ANXA11: variants seen among roughly 807,000 people sequenced by gnomAD.
ANXA11 encodes annexin A11, also known as 56 kDa autoantigen.
A neutral mutation model predicts 64.7 loss-of-function variants in ANXA11; 57 were observed. That is an observed-to-expected ratio of 0.88 (90% confidence interval 0.71 to 1.10). ANXA11 has a LOEUF of 1.10. ANXA11 is among the 50% of genes least tolerant of loss of function. The pLI is 0.00. For missense variants in ANXA11, 675 were observed against 670.7 expected (o/e 1.01, Z -0.07); for synonymous variants, 260 against 265.2 (o/e 0.98, Z 0.19).
chr10:80,180,530 C>T (rs764016495), intron 1 of ANXA11, among the ~76,000 whole-genome samples: 8 of 152,144 alleles, frequency 5.3e-5, no homozygotes, highest in African/African-American at 1.2e-4. Context: ...CACCCCCTGC[C>T]CCTCAGGGCC....
At chr10:80,156,841 C>T in intron 15 of ANXA11, 2 of 260,020 alleles carry the variant, frequency 7.7e-6, no homozygotes, top group Non-Finnish European at 1.2e-5. Flanking sequence ...TTCATTCATA[C>T]AGCCAAGGAA....
At position 80,159,045 on chromosome 10, in the gene ANXA11, C is replaced by T. The variant is rs1845399102; in HGVS notation, c.1276+55G>A. The stretch of plus-strand genomic sequence containing the variant: ...CTGGAGGACAGGCGAGCAGCCTGAA[C>T]ACTCACGATACACGTTAGCCCCTGG... On this transcript the variant is annotated intron_variant, in intron 13 of 15. Transcript: ENST00000422982. 10 of 1,351,122 alleles carry T rather than the reference C, an allele frequency of 7.4e-6. No homozygotes were observed. The Admixed American group carries it at 1.3e-4, about 18-fold the overall frequency. 83.7% of individuals were successfully genotyped at this position (1,351,122 alleles called of 1,614,324 possible).
intron 14 of ANXA11, 73 bp from the exon 15 acceptor site, chr10:80,157,836 C>T: frequency 6.3e-7 from 1 of 1,588,056 alleles, no homozygotes; most frequent in Non-Finnish European, 8.6e-7. Context: ...CCCTCCAGTC[C>T]CCTCCCTACC....
intron 9 of ANXA11, 116 bp from the exon 10 acceptor site, chr10:80,163,729 G>T (rs913949036): frequency 2.0e-6 from 2 of 976,224 alleles, no homozygotes; most frequent in Non-Finnish European, 1.6e-6. Context: ...CTTGGCTCGG[G>T]CTCAAGAGAA....
rs1367093581 is a variant in ANXA11 at position 80,152,956 on chromosome 10, G to T, written c.*2897C>A. On this transcript the variant is annotated 3_prime_UTR_variant, in exon 16 of 16. Coordinates refer to ENST00000422982, the MANE Select transcript of ANXA11 (RefSeq NM_145868.2). ...ACATCTGTACAGCGTCAGCAGGGCA[G>T]TTATACCTTTTCCAAACAATAGTGG... 1 of 152,274 alleles carries T rather than the reference G, an allele frequency of 6.6e-6. No individual in the cohort carries two copies. The highest frequency in any genetic ancestry group is 1.5e-5 in the Non-Finnish European group (1 of 68,052). 9.4% of individuals were successfully genotyped at this position (152,274 alleles called of 1,614,324 possible). A position where few individuals can be genotyped will look rare whatever the true frequency, so the allele number is the denominator to read the frequency against.
At chr10:80,161,908 C>G (rs764839772) in intron 12 of ANXA11, 27 bp downstream of exon 12, 1 of 1,589,156 alleles carries the variant, frequency 6.3e-7, no homozygotes. Context: ...ATCTAACTGG[C>G]CTCTGAGGGA....
rs11392466 is a variant in ANXA11, at chr10:80,154,103, AT to A, written c.*1749del. 1.2e-4 allele frequency: 17 copies of A among 144,286 alleles called. No individual in the cohort carries two copies. The highest frequency in any genetic ancestry group is 1.5e-4 in the Non-Finnish European group (10 of 66,232). 8.9% of individuals were successfully genotyped at this position (144,286 alleles called of 1,614,324 possible). A position where few individuals can be genotyped will look rare whatever the true frequency, so the allele number is the denominator to read the frequency against. ...GGGAATGCACTACAATGCCAGGTAA[AT>A]TTTTTTTTTTTTTTGAGACAGAGTC... is the stretch of plus-strand genomic sequence containing the variant. On this transcript the variant is annotated 3_prime_UTR_variant, in exon 16 of 16. Transcript: ENST00000422982.
chr10:80,176,544 G>A (rs930711864), intron 1 of ANXA11, among the ~76,000 whole-genome samples: 2 of 152,214 alleles, frequency 1.3e-5, no homozygotes, highest in African/African-American at 2.4e-5. Flanking sequence ...CTGCATGTAT[G>A]TATTGGCCAT....
At position 80,155,790 on chromosome 10, in the gene ANXA11, T is replaced by C; in HGVS notation, c.*63A>G. Reference sequence around the variant, plus strand: ...TGGATTTGTTAGAAACAGACATTCTTTTGGCCTTTTCCTGGCACTGGTGTT... The same window carrying C: ...TGGATTTGTTAGAAACAGACATTCTCTTGGCCTTTTCCTGGCACTGGTGTT... On this transcript the variant is annotated 3_prime_UTR_variant, in exon 16 of 16. Transcript: ENST00000422982. 1 of 1,463,184 alleles carries C rather than the reference T, an allele frequency of 6.8e-7. No individual in the cohort carries two copies. Among genetic ancestry groups the C allele is most frequent in the Non-Finnish European group, 9.6e-7 (1 of 1,042,932 alleles). 90.6% of individuals were successfully genotyped at this position (1,463,184 alleles called of 1,614,324 possible).
intron 15 of ANXA11, chr10:80,156,935 C>CA: frequency 1.0e-6 from 1 of 960,400 alleles, no homozygotes. Flanking sequence ...CCCCATGGTG[C>CA]AATTGCAAGG....
chr10:80,150,984 C>T lies in ANXA11; in HGVS notation c.*4869G>A, dbSNP rs558140916. 6.6e-6 allele frequency: 1 copy of T among 152,292 alleles called. No homozygotes were observed. The highest frequency in any genetic ancestry group is 1.9e-4 in the East Asian group (1 of 5,184). 9.4% of individuals were successfully genotyped at this position (152,292 alleles called of 1,614,324 possible). On this transcript the variant is annotated 3_prime_UTR_variant, in exon 16 of 16. Coordinates refer to ENST00000422982, the MANE Select transcript of ANXA11 (RefSeq NM_145868.2). The stretch of plus-strand genomic sequence containing the variant: ...TTCCCATAAATTTGAGTTTTTGCCA[C>T]CTTATTTGCTGCTTTTGTGGAAGGA...
At chr10:80,167,078 G>A in intron 6 of ANXA11, 94 bp from the exon 7 acceptor site, 1 of 1,306,328 alleles carries the variant, frequency 7.7e-7, no homozygotes. Flanking sequence ...ACTGTTCTGG[G>A]CATGCTAGCC....
chr10:80,193,806 T>C (rs1371172390), intron 1 of ANXA11, among the ~76,000 whole-genome samples: 2 of 116,302 alleles, frequency 1.7e-5, no homozygotes, highest in South Asian at 3.5e-4. Flanking sequence ...AGGGAGACTC[T>C]GTCTCAAAAA....
intron 2 of ANXA11, among the ~76,000 whole-genome samples, chr10:80,174,900 C>T (rs760886266): frequency 9.9e-5 from 15 of 152,164 alleles, no homozygotes; most frequent in Non-Finnish European, 1.8e-4. Context: ...CTTAAGGTAC[C>T]ACCGGTCCCC....
chr10:80,202,874 C>T (rs1313918478), intron 1 of ANXA11, among the ~76,000 whole-genome samples: 6 of 151,742 alleles, frequency 4.0e-5, no homozygotes, highest in South Asian at 4.2e-4. Context: ...GGTGAAGCCC[C>T]GTCTCTACTA....
In ANXA11 at chr10:80,169,035, C is replaced by T. The variant is rs1236524722; in HGVS notation, c.495G>A (p.Gln165=). 3.2e-6 allele frequency: 5 copies of T among 1,545,312 alleles called. No homozygotes were observed. The highest frequency in any genetic ancestry group is 4.3e-6 in the Non-Finnish European group (5 of 1,151,412). ...GGTATCCTGGGTAGCTCGGCACTGG[C>T]TGCTGCTGCCCAGGGAGTGGCACTG... ...QPPVPLPGQQ[Q]PVPSYPGYPG... The change falls in exon 5 of 16, where the codon CAG becomes CAA. Residue 165 remains glutamine, a synonymous_variant. Coordinates refer to ENST00000422982, the MANE Select transcript of ANXA11 (RefSeq NM_145868.2).
intron 1 of ANXA11, among the ~76,000 whole-genome samples, chr10:80,192,068 G>A (rs762120961): frequency 4.6e-5 from 7 of 152,210 alleles, no homozygotes; most frequent in Non-Finnish European, 8.8e-5. Context: ...GGCGGACTCA[G>A]GCCCAGTTCT....
intron 1 of ANXA11, among the ~76,000 whole-genome samples, chr10:80,179,635 C>T (rs1846287950): frequency 6.6e-6 from 1 of 152,146 alleles, no homozygotes; most frequent in Non-Finnish European, 1.5e-5. Flanking sequence ...GAACTGTGGC[C>T]AACCTGGAGA....
intron 11 of ANXA11, among the ~76,000 whole-genome samples, chr10:80,162,681 C>T (rs552810172): frequency 1.3e-5 from 2 of 152,346 alleles, no homozygotes; most frequent in East Asian, 3.9e-4. Context: ...TCCAATCCCG[C>T]AGATGGTAGA....
Sources: gnomAD v4.1 joint callset for allele counts (sites outside exome capture counted in the v4.1 genomes callset) on GRCh38, gnomAD v4.1.1 for gene constraint, MANE v1.5 for transcripts, NCBI Gene and HGNC (gene_info 2026-07-23, HGNC 2026-07-21) for gene names.